IQSEC1: variants seen among roughly 807,000 people sequenced by gnomAD.
The protein encoded by IQSEC1 is IQ motif and SEC7 domain-containing protein 1.
A neutral mutation model predicts 91.0 loss-of-function variants in IQSEC1; 31 were observed. The observed-to-expected ratio is 0.34, with a 90% confidence interval of 0.26 to 0.46. The LOEUF is 0.46. Among genes scored for constraint, IQSEC1 ranks in the 20% least tolerant of loss-of-function variants. The probability of loss-of-function intolerance (pLI) is 1.00; values close to 1 mark genes in which losing one functional copy is unlikely to be tolerated. For missense variants in IQSEC1, 1,388 were observed against 1,575.6 expected (o/e 0.88, Z 2.02); for synonymous variants, 699 against 662.6 (o/e 1.05, Z -0.84).
intron 1 of IQSEC1, among the ~76,000 whole-genome samples, chr3:13,180,331 G>A (rs1379333486): frequency 6.6e-6 from 1 of 151,724 alleles, no homozygotes; most frequent in Non-Finnish European, 1.5e-5. Flanking sequence ...TGGACACTCT[G>A]TATCTAGCTA....
At chr3:13,040,011 C>T (rs574318986) in intron 1 of IQSEC1, among the ~76,000 whole-genome samples, 4 of 152,344 alleles carry the variant, frequency 2.6e-5, no homozygotes, top group South Asian at 4.1e-4. Flanking sequence ...GTGGCATTAG[C>T]GCGCAGAGTT....
At chr3:13,254,546 G>A (rs1023534476) in intron 1 of IQSEC1, among the ~76,000 whole-genome samples, 5 of 152,374 alleles carry the variant, frequency 3.3e-5, no homozygotes, top group African/African-American at 1.2e-4. Context: ...AGTAGGCAAG[G>A]TTTCATCACA....
intron 10 of IQSEC1, 135 bp downstream of exon 10, chr3:12,911,494 G>A (rs1695551081): frequency 4.4e-6 from 3 of 688,946 alleles, no homozygotes; most frequent in Admixed American, 2.0e-5. Context: ...GGAGCTCCTA[G>A]CTGCAATCTG....
At chr3:12,943,098 G>A (rs959644548) in intron 1 of IQSEC1, among the ~76,000 whole-genome samples, 2 of 152,170 alleles carry the variant, frequency 1.3e-5, no homozygotes, top group Admixed American at 6.5e-5. Flanking sequence ...AGGAATCATC[G>A]ACTCCCCTTT....
intron 1 of IQSEC1, among the ~76,000 whole-genome samples, chr3:13,247,857 G>A (rs867672707): frequency 1.4e-4 from 21 of 152,064 alleles, no homozygotes; most frequent in African/African-American, 4.6e-4. Flanking sequence ...CCACAGACAC[G>A]CTGTGGGAAC....
In IQSEC1 at chr3:13,041,846, C is replaced by T. The variant is rs566080431; in HGVS notation, c.23+31146G>A. On this transcript the variant is annotated intron_variant, in intron 1 of 13. Coordinates refer to ENST00000613206, the MANE Select transcript of IQSEC1 (RefSeq NM_001134382.3). Reference sequence around the variant, plus strand: ...GGACTGAACTTCGGGCTCCTGATCTCCTGACCAGGGGACCCCCAACTCTGC... The same window carrying T: ...GGACTGAACTTCGGGCTCCTGATCTTCTGACCAGGGGACCCCCAACTCTGC... 6.0e-4 allele frequency among the ~76,000 whole-genome samples: 92 copies of T among 152,352 alleles called. 1 individual carries two copies. The highest frequency in any genetic ancestry group is 3.4e-3 in the Middle Eastern group (1 of 294).
intron 1 of IQSEC1, among the ~76,000 whole-genome samples, chr3:13,172,200 C>T (rs1693629503): frequency 6.6e-6 from 1 of 152,250 alleles, no homozygotes; most frequent in Non-Finnish European, 1.5e-5. Context: ...CCAGCCAAGT[C>T]CTCCGGGCAC....
In IQSEC1 at chr3:12,901,276, C is replaced by T. The variant is rs1215218028; in HGVS notation, c.3052G>A (p.Gly1018Arg). 1 of 1,548,466 alleles carries T rather than the reference C, an allele frequency of 6.5e-7. No homozygotes were observed. The highest frequency in any genetic ancestry group is 1.4e-5 in the African/African-American group (1 of 73,030). Residue 1018 changes from glycine (G) to arginine (R), a missense_variant, in exon 14 of 14, where the codon GGG (glycine) becomes AGG (arginine). Physicochemically the swap from Gly to Arg is moderately radical, Grantham distance 125. Around this residue, in one of 2 missense-constraint regions of IQSEC1, gnomAD observed 329 missense variants for 257.8 expected, o/e 1.28. Coordinates refer to ENST00000613206, the MANE Select transcript of IQSEC1 (RefSeq NM_001134382.3). ...VAGHHLGPPE[G>R]LPQAAMHGHH... ...CCGTGCATGGCGGCCTGCGGCAGCC[C>T]CTCTGGGGGCCCCAGGTGGTGGCCA...
chr3:13,030,738 AC>A (rs1248873404), intron 1 of IQSEC1, among the ~76,000 whole-genome samples: 1 of 152,226 alleles, frequency 6.6e-6, no homozygotes, highest in Admixed American at 6.5e-5. Flanking sequence ...ATTTGAACAA[AC>A]CAGCTGTAAA....
rs928150248 is a variant in IQSEC1, at chr3:12,909,255, A to G, written c.2578+18T>C. ...TCTGGCAAGTCTCGGCCTTCTGTCCATGAGGCCTGGTACTCACACTCTATC... is the reference window on the plus strand; with the variant it reads ...TCTGGCAAGTCTCGGCCTTCTGTCCGTGAGGCCTGGTACTCACACTCTATC... On this transcript the variant is annotated intron_variant, in intron 11 of 13. Coordinates refer to ENST00000613206, the MANE Select transcript of IQSEC1 (RefSeq NM_001134382.3). This position sits in a 1 kb window ranked among gnomAD's most constrained non-coding sequence, Gnocchi z 4.9. 1.2e-6 allele frequency: 2 copies of G among 1,612,690 alleles called. No homozygotes were observed. The highest frequency in any genetic ancestry group is 4.5e-5 in the East Asian group (2 of 44,850).
Position 12,909,473 on chromosome 3 carries a change from TCA to T in IQSEC1, c.2417-41_2417-40del, listed in dbSNP as rs1332904934. On this transcript the variant is annotated intron_variant, in intron 10 of 13. Coordinates refer to ENST00000613206, the MANE Select transcript of IQSEC1 (RefSeq NM_001134382.3). The surrounding 1 kb of genome is among the most constrained non-coding windows in gnomAD (Gnocchi z 4.9). ...GGAGAGGGGAGGAGGCCCACGGGTCTCAGTGTGTTCTCTGCAATCTCCTCTCT... is the reference window on the plus strand; with the variant it reads ...GGAGAGGGGAGGAGGCCCACGGGTCTGTGTGTTCTCTGCAATCTCCTCTCT... 1 of 1,586,166 alleles carries T rather than the reference TCA, an allele frequency of 6.3e-7. No homozygotes were observed. The highest frequency in any genetic ancestry group is 1.7e-5 in the Admixed American group (1 of 59,300).
At chr3:13,159,410 C>T (rs1453668585) in intron 2 of IQSEC1, among the ~76,000 whole-genome samples, 2 of 152,130 alleles carry the variant, frequency 1.3e-5, no homozygotes, top group Non-Finnish European at 2.9e-5. Flanking sequence ...GCCTGGACAA[C>T]AAGAACAAGA....
chr3:13,055,617 C>G (rs1704848252), intron 1 of IQSEC1, among the ~76,000 whole-genome samples: 1 of 152,170 alleles, frequency 6.6e-6, no homozygotes, highest in Admixed American at 6.5e-5. Context: ...GGGGCACAGG[C>G]AAAATACACA....
Position 12,968,219 on chromosome 3 carries a change from C to T in IQSEC1, c.24-26354G>A, listed in dbSNP as rs537756773. 5.3e-4 allele frequency among the ~76,000 whole-genome samples: 80 copies of T among 152,280 alleles called. No individual in the cohort carries two copies. The South Asian group carries it at 0.016, about 30-fold the overall frequency. ...AAACCTGGCCTTTGCCTGCCTGGAC[C>T]GAACCGTGTGGTTCTGGGGCTCTGA... On this transcript the variant is annotated intron_variant, in intron 1 of 13. Coordinates refer to ENST00000613206, the MANE Select transcript of IQSEC1 (RefSeq NM_001134382.3).
intron 1 of IQSEC1, among the ~76,000 whole-genome samples, chr3:13,215,686 A>G (rs1017108092): frequency 3.3e-5 from 5 of 152,226 alleles, no homozygotes; most frequent in African/African-American, 1.2e-4. Context: ...GAGAAGGCCG[A>G]CATGGCCACT....
Position 13,011,369 on chromosome 3 carries a change from C to G in IQSEC1, c.23+61623G>C, listed in dbSNP as rs183081975. ...TACTTGGGGATAATCATCACTGACA[C>G]TCACTGAGCCATTGCTAGGTCATTG... On this transcript the variant is annotated intron_variant, in intron 1 of 13. Coordinates refer to ENST00000613206, the MANE Select transcript of IQSEC1 (RefSeq NM_001134382.3). Among the ~76,000 whole-genome samples, 72 of 152,344 alleles carry G rather than the reference C, an allele frequency of 4.7e-4. 1 individual carries two copies. Among genetic ancestry groups the G allele is most frequent in the Non-Finnish European group, 8.8e-5 (6 of 68,034 alleles).
chr3:12,967,102 T>TCACA lies in IQSEC1; in HGVS notation c.24-25241_24-25238dup, dbSNP rs149065597. Among the ~76,000 whole-genome samples, 5 of 148,564 alleles carry TCACA rather than the reference T, an allele frequency of 3.4e-5. No homozygotes were observed. The highest frequency in any genetic ancestry group is 3.4e-3 in the Middle Eastern group (1 of 292). ...AACTTGCACTCCAACAGGCCCTCGA[T>TCACA]CACACACACACACTCCCATCCTGAG... On this transcript the variant is annotated intron_variant, in intron 1 of 13. Coordinates refer to ENST00000613206, the MANE Select transcript of IQSEC1 (RefSeq NM_001134382.3). The surrounding 1 kb of genome is among the most constrained non-coding windows in gnomAD (Gnocchi z 5.9).
At chr3:12,975,528 G>C (rs1461818126) in intron 1 of IQSEC1, among the ~76,000 whole-genome samples, 3 of 152,156 alleles carry the variant, frequency 2.0e-5, no homozygotes, top group Non-Finnish European at 2.9e-5. Flanking sequence ...CTTATGTAAG[G>C]CCACACAGCT....
chr3:13,203,088 C>T (rs1044587317), intron 1 of IQSEC1, among the ~76,000 whole-genome samples: 4 of 152,132 alleles, frequency 2.6e-5, no homozygotes, highest in African/African-American at 9.7e-5. Context: ...ACACAAGGCA[C>T]GAGCAGGAGG....
Sources: gnomAD v4.1 joint callset for allele counts (sites outside exome capture counted in the v4.1 genomes callset) on GRCh38, gnomAD v4.1.1 for gene constraint, gnomAD v4.1.1 regional missense constraint, Gnocchi (gnomAD v3.1) non-coding constraint, MANE v1.5 for transcripts, NCBI Gene and HGNC (gene_info 2026-07-23, HGNC 2026-07-21) for gene names.